GARS1: variants seen among roughly 807,000 people sequenced by gnomAD.
The protein encoded by GARS1 is glycyl-tRNA synthetase 1, also known as glycine--tRNA ligase.
Under a neutral mutation model 86.4 loss-of-function variants are expected in GARS1, and 46 were observed. The observed-to-expected ratio is 0.53, with a 90% CI of 0.42 to 0.68. The LOEUF is 0.68. Among genes scored for constraint, GARS1 ranks in the 30% least tolerant of loss-of-function variants. The pLI is 0.00. For synonymous variants in GARS1, 342 were observed against 329.8 expected (o/e 1.04, Z -0.40); for missense variants, 797 against 915.6 (o/e 0.87, Z 1.67).
intron 3 of GARS1, 56 bp downstream of exon 3, chr7:30,600,105 C>T (rs1791343436): frequency 1.6e-6 from 2 of 1,236,840 alleles, no homozygotes; most frequent in Non-Finnish European, 2.4e-6. Flanking sequence ...TAATATTATA[C>T]TTAAATCAAG....
At chr7:30,630,795 C>A (rs1333559572) in intron 14 of GARS1, among the ~76,000 whole-genome samples, 2 of 152,128 alleles carry the variant, frequency 1.3e-5, no homozygotes, top group Non-Finnish European at 2.9e-5. Flanking sequence ...CAGGCATGAG[C>A]CACTGTGTCC....
At chr7:30,622,499 G>A in intron 12 of GARS1, 37 bp downstream of exon 12, 2 of 1,611,738 alleles carry the variant, frequency 1.2e-6, no homozygotes, top group Non-Finnish European at 1.7e-6. Context: ...ATGGGCTCCA[G>A]TCAGTTGTGT....
At chr7:30,597,968 T>C (rs1407816554) in intron 1 of GARS1, among the ~76,000 whole-genome samples, 1 of 152,230 alleles carries the variant, frequency 6.6e-6, no homozygotes, top group Non-Finnish European at 1.5e-5. Context: ...TATAAGTTGT[T>C]GGAAGTTAAT....
Position 30,634,025 on chromosome 7 carries a change from C to T in GARS1, c.*165C>T, listed in dbSNP as rs1783291041. 1.2e-6 allele frequency: 1 copy of T among 827,924 alleles called. No homozygotes were observed. The highest frequency in any genetic ancestry group is 1.7e-5 in the African/African-American group (1 of 57,488). 51.3% of individuals were successfully genotyped at this position (827,924 alleles called of 1,614,324 possible). ...CCCCACAATTAAAGTTGAAGGAATCCTGAACAAACTTGTGATCTATTTGCT... is the reference window on the plus strand; with the variant it reads ...CCCCACAATTAAAGTTGAAGGAATCTTGAACAAACTTGTGATCTATTTGCT... On this transcript the variant is annotated 3_prime_UTR_variant, in exon 17 of 17. Transcript: ENST00000389266.
At chr7:30,599,434 G>A (rs377719520) in intron 2 of GARS1, among the ~76,000 whole-genome samples, 7 of 151,132 alleles carry the variant, frequency 4.6e-5, no homozygotes, top group South Asian at 4.2e-4. Context: ...ATGGAGTCTC[G>A]CCCTGTTGCC....
chr7:30,618,864 A>G (rs916393783), intron 10 of GARS1, among the ~76,000 whole-genome samples: 1 of 152,218 alleles, frequency 6.6e-6, no homozygotes, highest in Non-Finnish European at 1.5e-5. Flanking sequence ...CTTGCTTGAC[A>G]TATGTCAAAA....
intron 10 of GARS1, among the ~76,000 whole-genome samples, chr7:30,618,546 A>G (rs1426306065): frequency 6.6e-6 from 1 of 152,174 alleles, no homozygotes; most frequent in Admixed American, 6.5e-5. Context: ...AGGTGGGAAG[A>G]TCACATGAGC....
chr7:30,602,937 G>C, intron 4 of GARS1, 97 bp from the exon 5 acceptor site: 1 of 872,460 alleles, frequency 1.1e-6, no homozygotes, highest in Non-Finnish European at 2.0e-6. Context: ...CCATCTTTGA[G>C]ATGGATATAA....
At chr7:30,597,554 G>T (rs372282240) in intron 1 of GARS1, among the ~76,000 whole-genome samples, 10 of 152,238 alleles carry the variant, frequency 6.6e-5, no homozygotes, top group East Asian at 5.8e-4. Flanking sequence ...ACAGATTAAG[G>T]TTACCAAAAT....
At chr7:30,595,216 C>A in intron 1 of GARS1, 73 bp downstream of exon 1, 2 of 1,317,642 alleles carry the variant, frequency 1.5e-6, no homozygotes, top group Non-Finnish European at 2.1e-6. Context: ...ATCCTTCCCT[C>A]CTCCCCGGGG....
At chr7:30,601,756 G>C (rs1791381176) in intron 4 of GARS1, among the ~76,000 whole-genome samples, 1 of 152,112 alleles carries the variant, frequency 6.6e-6, no homozygotes, top group Non-Finnish European at 1.5e-5. Flanking sequence ...TCCTACCAAC[G>C]TTATTGAAAG....
chr7:30,611,137 G>A (rs1434684516), intron 7 of GARS1, among the ~76,000 whole-genome samples: 3 of 152,160 alleles, frequency 2.0e-5, no homozygotes, highest in Non-Finnish European at 4.4e-5. Flanking sequence ...AATTGAGAGG[G>A]CAGTGGTTAT....
At position 30,598,875 on chromosome 7, in the gene GARS1, G is replaced by C; in HGVS notation, c.302G>C (p.Arg101Pro). 6.2e-7 allele frequency: 1 copy of C among 1,613,982 alleles called. No individual in the cohort carries two copies. Among genetic ancestry groups the C allele is most frequent in the Non-Finnish European group, 8.5e-7 (1 of 1,179,878 alleles). The change falls in exon 2 of 17, where the codon CGC (arginine) becomes CCC (proline). Residue 101 changes from arginine (R) to proline (P), a missense_variant. Around this residue, in one of 2 missense-constraint regions of GARS1, gnomAD observed 199 missense variants for 176.9 expected, o/e 1.12. Transcript: ENST00000389266. Reference protein sequence around the residue: ...VDKAVAELKARKRVLEAKELA... With the variant: ...VDKAVAELKAPKRVLEAKELA... ...AAAGCAGTGGCTGAGCTCAAAGCCC[G>C]CAAGAGGGTTCTGGAAGCAAAGGTG...
chr7:30,622,500 T>C (rs772555527), intron 12 of GARS1, 38 bp downstream of exon 12: 1 of 1,611,606 alleles, frequency 6.2e-7, no homozygotes, highest in East Asian at 2.2e-5. Context: ...TGGGCTCCAG[T>C]CAGTTGTGTC....
In GARS1 at chr7:30,594,925, C is replaced by A; in HGVS notation, c.4C>A (p.Pro2Thr). ...GACAGCCCAGGGCCGCAGGCTCATGCCCTCTCCGCGTCCAGTGCTGCTTAG... is the reference window on the plus strand; with the variant it reads ...GACAGCCCAGGGCCGCAGGCTCATGACCTCTCCGCGTCCAGTGCTGCTTAG... Reference protein sequence around the residue: MPSPRPVLLRGA... With the variant: MTSPRPVLLRGA... The change falls in exon 1 of 17, where the codon CCC becomes ACC. Residue 2 changes from proline to threonine, a missense_variant. Physicochemically the swap from Pro to Thr is conservative, Grantham distance 38 (BLOSUM62 -1). Around this residue, in one of 2 missense-constraint regions of GARS1, gnomAD observed 199 missense variants for 176.9 expected, o/e 1.12. Coordinates refer to ENST00000389266, the MANE Select transcript of GARS1 (RefSeq NM_002047.4). 1 of 1,584,666 alleles carries A rather than the reference C, an allele frequency of 6.3e-7. No individual in the cohort carries two copies. Among genetic ancestry groups the A allele is most frequent in the Non-Finnish European group, 8.5e-7 (1 of 1,172,856 alleles).
intron 8 of GARS1, 91 bp from the exon 9 acceptor site, chr7:30,615,805 A>G: frequency 7.1e-7 from 1 of 1,399,038 alleles, no homozygotes; most frequent in Non-Finnish European, 1.0e-6. Context: ...CTTTATCACT[A>G]GAATGCAGTT....
chr7:30,614,557 C>A (rs569157895), intron 8 of GARS1, among the ~76,000 whole-genome samples: 2 of 152,184 alleles, frequency 1.3e-5, no homozygotes, highest in South Asian at 4.1e-4. Flanking sequence ...AAATAAGAGA[C>A]ACTATTAAAA....
intron 12 of GARS1, 199 bp downstream of exon 12, chr7:30,622,661 T>C (rs891995097): frequency 4.0e-5 from 23 of 581,118 alleles, no homozygotes; most frequent in Middle Eastern, 4.4e-4. Context: ...TTTTTTTTTT[T>C]CCTAGTAACT....
At chr7:30,629,802 A>G (rs907755144) in intron 14 of GARS1, among the ~76,000 whole-genome samples, 18 of 152,374 alleles carry the variant, frequency 1.2e-4, no homozygotes, top group Admixed American at 4.6e-4. Context: ...GTGCGCAAAC[A>G]TAAGGCTTGG....
Sources: gnomAD v4.1 joint callset for allele counts (sites outside exome capture counted in the v4.1 genomes callset) on GRCh38, gnomAD v4.1.1 for gene constraint, gnomAD v4.1.1 regional missense constraint, MANE v1.5 for transcripts, NCBI Gene and HGNC (gene_info 2026-07-23, HGNC 2026-07-21) for gene names.